The following HIVEP3 variants were observed in gnomAD, a reference collection of about 807,000 sequenced individuals.
The protein encoded by HIVEP3 is HIVEP zinc finger 3.
A neutral mutation model predicts 152.8 loss-of-function variants in HIVEP3; 49 were observed. The observed-to-expected ratio is 0.32, with a 90% CI of 0.26 to 0.41. The LOEUF is 0.41. Among genes scored for constraint, HIVEP3 ranks in the 10% least tolerant of loss-of-function variants. The pLI is 1.00. For missense variants in HIVEP3, 2,790 were observed against 3,103.3 expected (o/e 0.90, Z 2.40); for synonymous variants, 1,269 against 1,289.0 (o/e 0.98, Z 0.33).
intron 1 of HIVEP3, among the ~76,000 whole-genome samples, chr1:41,927,003 G>A (rs1307828433): frequency 6.6e-6 from 1 of 152,190 alleles, no homozygotes; most frequent in African/African-American, 2.4e-5. Context: ...ACCAGCTCCT[G>A]GAGTCTGACT....
intron 3 of HIVEP3, among the ~76,000 whole-genome samples, chr1:41,587,964 C>T (rs920189098): frequency 1.3e-5 from 2 of 152,192 alleles, no homozygotes; most frequent in Non-Finnish European, 2.9e-5. Flanking sequence ...AGCATCTGAA[C>T]AATAGAGTTG....
chr1:41,538,045 A>G (rs1444556343), intron 5 of HIVEP3, among the ~76,000 whole-genome samples: 1 of 152,240 alleles, frequency 6.6e-6, no homozygotes, highest in African/African-American at 2.4e-5. Flanking sequence ...AAAAGATCGT[A>G]AAGCAAAGAG....
chr1:41,661,385 C>A (rs1360839737), intron 2 of HIVEP3, among the ~76,000 whole-genome samples: 1 of 152,240 alleles, frequency 6.6e-6, no homozygotes, highest in African/African-American at 2.4e-5. Context: ...AAGCACCCTG[C>A]TCTGATTAAG....
intron 2 of HIVEP3, among the ~76,000 whole-genome samples, chr1:41,697,456 G>A (rs1040307972): frequency 2.6e-5 from 4 of 152,154 alleles, no homozygotes; most frequent in African/African-American, 7.2e-5. Context: ...TTAGCTCTGC[G>A]GGGCTCATGG....
intron 1 of HIVEP3, among the ~76,000 whole-genome samples, chr1:41,916,116 A>T (rs573904485): frequency 3.5e-4 from 54 of 152,322 alleles, no homozygotes; most frequent in African/African-American, 1.3e-3. Flanking sequence ...AGGACTTCAG[A>T]CTAAATGCAT....
chr1:41,571,083 G>A (rs1286365717), intron 5 of HIVEP3, among the ~76,000 whole-genome samples: 4 of 152,108 alleles, frequency 2.6e-5, no homozygotes, highest in Non-Finnish European at 4.4e-5. Context: ...CATAGGAGGT[G>A]CAGCAGCTGA....
chr1:41,927,984 C>A (rs1461722216), intron 1 of HIVEP3, among the ~76,000 whole-genome samples: 7 of 146,468 alleles, frequency 4.8e-5, no homozygotes, highest in Admixed American at 1.4e-4. Flanking sequence ...TCGCTTGAAC[C>A]CAGGAGGCGG....
In HIVEP3 at chr1:41,965,283, C is replaced by T. The variant is rs77353453; in HGVS notation, n.120-46759G>A. ...GCCTCAAAGACTGAAGGTGGATAAG[C>T]TTACAAAGATGAGAAAGAAGCAAAA... On this transcript the variant is annotated intron_variant and non_coding_transcript_variant, in intron 1 of 3. Transcript: ENST00000489103. 8.2e-3 allele frequency among the ~76,000 whole-genome samples: 1,249 copies of T among 152,278 alleles called. 19 individuals are homozygous for T. The highest frequency in any genetic ancestry group is 0.029 in the African/African-American group (1,206 of 41,556).
At chr1:41,592,550 A>T (rs1644602801) in intron 3 of HIVEP3, among the ~76,000 whole-genome samples, 1 of 152,168 alleles carries the variant, frequency 6.6e-6, no homozygotes, top group African/African-American at 2.4e-5. Context: ...CCATCTAGTG[A>T]TACCTGCTAA....
chr1:41,644,526 CAGAG>C (rs1032803384), intron 2 of HIVEP3, among the ~76,000 whole-genome samples: 3 of 152,130 alleles, frequency 2.0e-5, no homozygotes, highest in Admixed American at 6.5e-5. Flanking sequence ...AGGAAACAAA[CAGAG>C]AGAACGATGT....
chr1:41,722,997 G>A (rs1646699911), intron 1 of HIVEP3, among the ~76,000 whole-genome samples: 1 of 152,126 alleles, frequency 6.6e-6, no homozygotes, highest in Non-Finnish European at 1.5e-5. Flanking sequence ...AGATCCTGAG[G>A]GTCCTTGCAA....
At chr1:41,751,076 C>A (rs892042223) in intron 1 of HIVEP3, among the ~76,000 whole-genome samples, 1 of 152,128 alleles carries the variant, frequency 6.6e-6, no homozygotes. Flanking sequence ...GTGTTAAACC[C>A]GAAGTTCATG....
chr1:41,749,873 C>T (rs1647132617), intron 1 of HIVEP3, among the ~76,000 whole-genome samples: 1 of 152,220 alleles, frequency 6.6e-6, no homozygotes, highest in African/African-American at 2.4e-5. Flanking sequence ...CTCTGTCCAA[C>T]AACAGCAGCT....
At chr1:41,969,665 A>G (rs992678869) in intron 1 of HIVEP3, among the ~76,000 whole-genome samples, 2 of 152,248 alleles carry the variant, frequency 1.3e-5, no homozygotes, top group Non-Finnish European at 2.9e-5. Flanking sequence ...TTTCATGATG[A>G]AAACATCAAA....
rs1644392944 is a variant in HIVEP3 at position 41,507,312 on chromosome 1, G to C, written c.*3139C>G. ...CAGTGCAGGCAGCTGGCTGCTGTCG[G>C]GCTCCTGGAGGGTTGCAGGGGTTGA... On this transcript the variant is annotated 3_prime_UTR_variant, in exon 9 of 9. Transcript: ENST00000372583. 6.6e-6 allele frequency: 1 copy of C among 152,272 alleles called. No individual in the cohort carries two copies. Among genetic ancestry groups the C allele is most frequent in the Admixed American group, 6.5e-5 (1 of 15,290 alleles). The allele number at this position is 152,272 out of a possible 1,614,324, so 9.4% of individuals were successfully genotyped here.
rs372338717 is a variant in HIVEP3, at chr1:41,510,332, T to C, written c.*119A>G. ...TGGGAAGGTACAACAGATGGGGCCG[T>C]GAGAGCTCCTGGACGGAGGGACAGA... On this transcript the variant is annotated 3_prime_UTR_variant, in exon 9 of 9. Transcript: ENST00000372583. The C allele has an allele frequency of 4.7e-5, 39 of 837,112 alleles. No homozygotes were observed. The East Asian group carries it at 9.2e-4, about 20-fold the overall frequency. 51.9% of individuals were successfully genotyped at this position (837,112 alleles called of 1,614,324 possible).
chr1:41,530,711 C>G (rs1430879334), intron 5 of HIVEP3, among the ~76,000 whole-genome samples: 1 of 152,234 alleles, frequency 6.6e-6, no homozygotes, highest in African/African-American at 2.4e-5. Flanking sequence ...CACAGCCACT[C>G]TGACGTCTAC....
At chr1:41,512,730 C>T in intron 8 of HIVEP3, 86 bp downstream of exon 8, 1 of 1,100,030 alleles carries the variant, frequency 9.1e-7, no homozygotes, top group Admixed American at 3.0e-5. Context: ...TGTTTAGTTC[C>T]AGGTGTGATA....
chr1:41,873,889 G>A lies in HIVEP3; in HGVS notation c.-801+44524C>T, dbSNP rs1644123737. Among the ~76,000 whole-genome samples the A allele has an allele frequency of 1.3e-5, 2 of 152,132 alleles. No individual in the cohort carries two copies. The highest frequency in any genetic ancestry group is 4.1e-4 in the South Asian group (2 of 4,834). ...CCAGAAGGTGGAGAAGCTTCTCAAA[G>A]CAACTGGCCCAGGCAGCCTTGTACT... On this transcript the variant is annotated intron_variant, in intron 1 of 8. Coordinates refer to ENST00000372583, the MANE Select transcript of HIVEP3 (RefSeq NM_024503.5). This position sits in a 1 kb window ranked among gnomAD's most constrained non-coding sequence, Gnocchi z 4.2.
Sources: allele counts gnomAD v4.1 joint callset (sites outside exome capture counted in the v4.1 genomes callset), GRCh38; gene constraint gnomAD v4.1.1; non-coding constraint Gnocchi (gnomAD v3.1); transcripts MANE v1.5; gene names NCBI Gene and HGNC (gene_info 2026-07-23, HGNC 2026-07-21).